Variants in KCNH8 observed in about 807,000 individuals in gnomAD.
KCNH8 encodes potassium voltage-gated channel subfamily H member 8.
In KCNH8, 70 loss-of-function variants were observed where a neutral mutation model predicts 103.6. That is an observed-to-expected ratio of 0.68 (90% CI 0.56 to 0.82). The LOEUF is 0.82. Among genes scored for constraint, KCNH8 ranks in the 40% least tolerant of loss-of-function variants. The probability of loss-of-function intolerance (pLI) is 0.00; values close to 1 mark genes in which losing one functional copy is unlikely to be tolerated. For synonymous variants in KCNH8, 498 were observed against 489.4 expected (o/e 1.02, Z -0.23); for missense variants, 1,217 against 1,329.9 (o/e 0.92, Z 1.32).
intron 1 of KCNH8, among the ~76,000 whole-genome samples, chr3:19,170,835 A>T (rs1170417302): frequency 2.3e-5 from 3 of 129,700 alleles, no homozygotes; most frequent in African/African-American, 1.0e-4. Flanking sequence ...TTTGAGACGA[A>T]GTCTCGCGCT....
At chr3:19,446,279 G>A (rs2067361333) in intron 8 of KCNH8, among the ~76,000 whole-genome samples, 1 of 151,938 alleles carries the variant, frequency 6.6e-6, no homozygotes, top group Admixed American at 6.6e-5. Flanking sequence ...CACAGCCTTG[G>A]AGGTTGGATA....
At chr3:19,403,268 C>T (rs1346372164) in intron 7 of KCNH8, among the ~76,000 whole-genome samples, 1 of 150,138 alleles carries the variant, frequency 6.7e-6, no homozygotes, top group African/African-American at 2.4e-5. Context: ...AACTTGCAAT[C>T]TGTACTCTAC....
intron 11 of KCNH8, among the ~76,000 whole-genome samples, chr3:19,485,088 G>A (rs1411197335): frequency 6.6e-6 from 1 of 152,136 alleles, no homozygotes; most frequent in Admixed American, 6.5e-5. Context: ...TCGGTAGGCG[G>A]CATGTAGCTT....
intron 7 of KCNH8, among the ~76,000 whole-genome samples, chr3:19,411,959 A>G (rs558617180): frequency 7.2e-5 from 11 of 152,048 alleles, no homozygotes; most frequent in African/African-American, 2.7e-4. Flanking sequence ...GCCCAACACA[A>G]TCTACAGACT....
At chr3:19,225,872 C>T (rs183802036) in intron 1 of KCNH8, among the ~76,000 whole-genome samples, 1 of 152,246 alleles carries the variant, frequency 6.6e-6, no homozygotes, top group East Asian at 1.9e-4. Flanking sequence ...ATATTTTCCT[C>T]CATAAGCTAT....
At chr3:19,493,734 T>A (rs917686093) in intron 11 of KCNH8, among the ~76,000 whole-genome samples, 3 of 151,736 alleles carry the variant, frequency 2.0e-5, no homozygotes, top group Non-Finnish European at 4.4e-5. Context: ...GTGGCTTTAT[T>A]ATTGATGAGT....
intron 11 of KCNH8, among the ~76,000 whole-genome samples, chr3:19,493,795 G>A (rs1361887641): frequency 6.6e-6 from 1 of 151,836 alleles, no homozygotes; most frequent in East Asian, 1.9e-4. Flanking sequence ...TTCTCCTTAT[G>A]TCATTTATAT....
intron 3 of KCNH8, among the ~76,000 whole-genome samples, chr3:19,329,999 G>GT (rs1382527218): frequency 6.8e-6 from 1 of 147,832 alleles, no homozygotes; most frequent in Non-Finnish European, 1.5e-5. Context: ...ATTTAATGAA[G>GT]TTTTTTTCTA....
At chr3:19,407,913 G>A (rs1040990365) in intron 7 of KCNH8, among the ~76,000 whole-genome samples, 1 of 152,048 alleles carries the variant, frequency 6.6e-6, no homozygotes, top group Non-Finnish European at 1.5e-5. Flanking sequence ...GGTACATGGT[G>A]ACCACCCACT....
intron 1 of KCNH8, among the ~76,000 whole-genome samples, chr3:19,180,448 A>G (rs1013107499): frequency 2.6e-5 from 4 of 152,206 alleles, no homozygotes; most frequent in Non-Finnish European, 5.9e-5. Flanking sequence ...AAAATGGAAG[A>G]TTAGCTTTGA....
At chr3:19,445,115 A>G (rs150472002) in intron 8 of KCNH8, among the ~76,000 whole-genome samples, 50 of 152,170 alleles carry the variant, frequency 3.3e-4, no homozygotes, top group Admixed American at 6.6e-4. Flanking sequence ...TGAAATACCT[A>G]TTCAAGAGAA....
chr3:19,336,008 A>T (rs2065579607), intron 3 of KCNH8, among the ~76,000 whole-genome samples: 1 of 150,862 alleles, frequency 6.6e-6, no homozygotes, highest in African/African-American at 2.4e-5. Flanking sequence ...TTTCTGCTTC[A>T]TTTATTTTTT....
intron 5 of KCNH8, among the ~76,000 whole-genome samples, chr3:19,350,253 T>C (rs564361267): frequency 1.3e-5 from 2 of 152,188 alleles, no homozygotes; most frequent in South Asian, 2.1e-4. Flanking sequence ...GGGGACAAAA[T>C]AGTTGCCTGT....
chr3:19,250,737 T>C (rs1330551767), intron 1 of KCNH8, among the ~76,000 whole-genome samples: 3 of 152,226 alleles, frequency 2.0e-5, no homozygotes, highest in African/African-American at 7.2e-5. Context: ...CTATTATTTG[T>C]GGACCACTGA....
At chr3:19,214,764 G>A (rs1004046945) in intron 1 of KCNH8, among the ~76,000 whole-genome samples, 1 of 152,224 alleles carries the variant, frequency 6.6e-6, no homozygotes, top group African/African-American at 2.4e-5. Flanking sequence ...AGTGCTAGAA[G>A]ATAGTGAAGT....
At chr3:19,186,867 G>C (rs938979160) in intron 1 of KCNH8, among the ~76,000 whole-genome samples, 2 of 152,012 alleles carry the variant, frequency 1.3e-5, no homozygotes, top group African/African-American at 4.8e-5. Flanking sequence ...AATGTTTTCT[G>C]CTTCTTAAGC....
intron 7 of KCNH8, among the ~76,000 whole-genome samples, chr3:19,417,600 T>G (rs1000089349): frequency 6.6e-6 from 1 of 152,090 alleles, no homozygotes; most frequent in African/African-American, 2.4e-5. Flanking sequence ...ACAGAATTTT[T>G]CGGTTACCAG....
At chr3:19,526,178 T>A (rs1490170447) in intron 15 of KCNH8, among the ~76,000 whole-genome samples, 1 of 151,878 alleles carries the variant, frequency 6.6e-6, no homozygotes, top group African/African-American at 2.4e-5. Flanking sequence ...GAAAATTGTG[T>A]CTAGCAGGAA....
chr3:19,149,002 T>G (rs1454131737), intron 1 of KCNH8, among the ~76,000 whole-genome samples: 1 of 152,180 alleles, frequency 6.6e-6, no homozygotes, highest in Non-Finnish European at 1.5e-5. Context: ...TTGGCTCTCT[T>G]GAGTTCTTGG....
Sources: allele counts gnomAD v4.1 joint callset (sites outside exome capture counted in the v4.1 genomes callset), GRCh38; gene constraint gnomAD v4.1.1; transcripts MANE v1.5; gene names NCBI Gene and HGNC (gene_info 2026-07-23, HGNC 2026-07-21).